The following RIMBP2 variants were observed in gnomAD, a reference collection of about 807,000 sequenced individuals.
RIMBP2 encodes RIMS-binding protein 2.
A neutral mutation model predicts 118.6 loss-of-function variants in RIMBP2; 48 were observed. The ratio of observed to expected loss-of-function variants is 0.40; its 90% CI spans 0.32 to 0.51. The LOEUF is 0.51. Ranked by LOEUF, RIMBP2 falls within the 20% of genes least tolerant of loss-of-function variation. RIMBP2 has a pLI of 0.41. For synonymous variants in RIMBP2, 762 were observed against 742.9 expected (o/e 1.03, Z -0.42); for missense variants, 1,551 against 1,768.3 (o/e 0.88, Z 2.20).
chr12:130,686,114 G>T (rs1001321524), intron 1 of RIMBP2, among the ~76,000 whole-genome samples: 15 of 152,152 alleles, frequency 9.9e-5, no homozygotes, highest in Non-Finnish European at 1.5e-4. Context: ...CCTTTAAAGG[G>T]AAAACCCAGG....
At chr12:130,680,650 T>G (rs1208434785) in intron 1 of RIMBP2, among the ~76,000 whole-genome samples, 1 of 152,224 alleles carries the variant, frequency 6.6e-6, no homozygotes, top group East Asian at 1.9e-4. Context: ...CATTTGGCAA[T>G]GTCTGGGGGC....
chr12:130,448,451 TGGCACACCA>T (rs2078724996), intron 9 of RIMBP2, among the ~76,000 whole-genome samples: 1 of 152,208 alleles, frequency 6.6e-6, no homozygotes, highest in South Asian at 2.1e-4. Flanking sequence ...AAGGCGTCTG[TGGCACACCA>T]GGCCCCTGCT....
intron 6 of RIMBP2, among the ~76,000 whole-genome samples, chr12:130,457,931 G>T (rs528476033): frequency 6.6e-6 from 1 of 152,338 alleles, no homozygotes; most frequent in East Asian, 1.9e-4. Context: ...CATTTATGGG[G>T]TTATTCATGT....
At chr12:130,480,473 T>G (rs1415394876) in intron 4 of RIMBP2, among the ~76,000 whole-genome samples, 2 of 152,236 alleles carry the variant, frequency 1.3e-5, no homozygotes, top group Non-Finnish European at 2.9e-5. Context: ...AGCAAGTGGG[T>G]GTCTTGGCCC....
intron 22 of RIMBP2, chr12:130,398,936 G>A: frequency 3.0e-6 from 1 of 331,230 alleles, no homozygotes. Context: ...AAATTCAGTT[G>A]CTTTACAACT....
chr12:130,401,389 T>G (rs1201561839), intron 21 of RIMBP2, among the ~76,000 whole-genome samples: 1 of 152,152 alleles, frequency 6.6e-6, no homozygotes, highest in Non-Finnish European at 1.5e-5. Flanking sequence ...GTGCTGGGAT[T>G]ACAGGCTGAG....
At chr12:130,606,230 C>T (rs187201474) in intron 2 of RIMBP2, among the ~76,000 whole-genome samples, 4 of 152,274 alleles carry the variant, frequency 2.6e-5, no homozygotes, top group Admixed American at 2.6e-4. Flanking sequence ...GTGGGAATTA[C>T]ACACAGGTGT....
At chr12:130,612,925 T>G (rs2060650925) in intron 2 of RIMBP2, among the ~76,000 whole-genome samples, 1 of 107,010 alleles carries the variant, frequency 9.3e-6, no homozygotes, top group Non-Finnish European at 1.9e-5. Flanking sequence ...GTCCAGGACC[T>G]CCCGGGTAAC....
chr12:130,490,528 A>G (rs4759479), intron 4 of RIMBP2, among the ~76,000 whole-genome samples: 129,817 of 152,124 alleles, frequency 0.85, 59,122 homozygotes, highest in Non-Finnish European at 1. Context: ...CAGCAGAAGT[A>G]TAAATCGGGG....
intron 2 of RIMBP2, among the ~76,000 whole-genome samples, chr12:130,551,089 T>C (rs754248815): frequency 1.3e-5 from 2 of 152,212 alleles, no homozygotes; most frequent in Admixed American, 6.5e-5. Flanking sequence ...ATGTTCATTA[T>C]TGATTGGATA....
intron 2 of RIMBP2, among the ~76,000 whole-genome samples, chr12:130,526,100 G>C (rs555083194): frequency 2.0e-5 from 3 of 152,092 alleles, no homozygotes; most frequent in African/African-American, 7.2e-5. Context: ...TGGCAGGGGT[G>C]GGGGGTTCTG....
intron 14 of RIMBP2, among the ~76,000 whole-genome samples, chr12:130,430,966 C>T (rs773119206): frequency 1.8e-4 from 28 of 152,070 alleles, no homozygotes; most frequent in Admixed American, 5.2e-4. Context: ...TACCCACATC[C>T]GGTCATCAAG....
chr12:130,667,165 AGGGAGG>A (rs2063987392), intron 1 of RIMBP2: 2 of 66,160 alleles, frequency 3.0e-5, no homozygotes, highest in Admixed American at 1.5e-4. Context: ...GGAGGGAAGA[AGGGAGG>A]GAGGGAGGAA....
chr12:130,698,312 C>T (rs2065673137), intron 1 of RIMBP2, among the ~76,000 whole-genome samples: 1 of 152,204 alleles, frequency 6.6e-6, no homozygotes. Flanking sequence ...TTAACTTGCT[C>T]ACTTCAGAAG....
chr12:130,599,871 A>T (rs188731537), intron 2 of RIMBP2, among the ~76,000 whole-genome samples: 11 of 152,308 alleles, frequency 7.2e-5, no homozygotes, highest in Non-Finnish European at 1.3e-4. Flanking sequence ...CTAAAGGTAA[A>T]AGTCAAGCTG....
At chr12:130,712,159 G>C (rs369627159) in intron 1 of RIMBP2, among the ~76,000 whole-genome samples, 1 of 152,230 alleles carries the variant, frequency 6.6e-6, no homozygotes, top group Non-Finnish European at 1.5e-5. Flanking sequence ...ATTCCTGTAC[G>C]TGTCTGTAGA....
intron 1 of RIMBP2, among the ~76,000 whole-genome samples, chr12:130,661,747 A>G (rs7965634): frequency 0.54 from 82,635 of 152,002 alleles, 23,084 homozygotes; most frequent in Non-Finnish European, 0.62. Context: ...TAACTGATGA[A>G]TCAGAGCTGA....
At chr12:130,606,708 C>T (rs1321966946) in intron 2 of RIMBP2, among the ~76,000 whole-genome samples, 1 of 152,164 alleles carries the variant, frequency 6.6e-6, no homozygotes, top group Non-Finnish European at 1.5e-5. Context: ...CCAGCCTCCT[C>T]CTCACCTTCT....
chr12:130,681,309 T>C lies in RIMBP2; in HGVS notation c.-352+34913A>G, dbSNP rs76945082. ...AAAATAAAAAATAAAAATAAATGCA[T>C]GTACTTTTTACAAATTTTTTGTAAT... On this transcript the variant is annotated intron_variant, in intron 1 of 22. Transcript: ENST00000690449. Among the ~76,000 whole-genome samples, 723 of 152,202 alleles carry C rather than the reference T, an allele frequency of 4.8e-3. 9 individuals carry two copies. Among genetic ancestry groups the C allele is most frequent in the African/African-American group, 0.017 (688 of 41,552 alleles).
Sources: allele counts gnomAD v4.1 joint callset (sites outside exome capture counted in the v4.1 genomes callset), GRCh38; gene constraint gnomAD v4.1.1; transcripts MANE v1.5; gene names NCBI Gene and HGNC (gene_info 2026-07-23, HGNC 2026-07-21).